Variants in CFAP61 observed in about 807,000 individuals in gnomAD.
CFAP61 encodes cilia and flagella associated protein 61.
CFAP61 carries 107 observed loss-of-function variants against 135.6 expected under a neutral mutation model. That is an observed-to-expected ratio of 0.79 (90% CI 0.67 to 0.93). The LOEUF (loss-of-function observed/expected upper bound fraction) is 0.93. CFAP61 is among the 40% of genes least tolerant of loss of function. The pLI is 0.00. For synonymous variants in CFAP61, 575 were observed against 578.5 expected (o/e 0.99, Z 0.09); for missense variants, 1,507 against 1,556.2 (o/e 0.97, Z 0.53).
chr20:20,088,938 T>C (rs1009288609), intron 6 of CFAP61, among the ~76,000 whole-genome samples: 31 of 152,100 alleles, frequency 2.0e-4, no homozygotes, highest in African/African-American at 7.5e-4. Flanking sequence ...AGGGTGAAGA[T>C]TTTCATCCAG....
At chr20:20,256,957 G>T (rs563946145) in intron 20 of CFAP61, among the ~76,000 whole-genome samples, 13 of 152,152 alleles carry the variant, frequency 8.5e-5, no homozygotes, top group Admixed American at 3.3e-4. Flanking sequence ...TGCTTCAGCT[G>T]CCATTTCAGG....
intron 8 of CFAP61, among the ~76,000 whole-genome samples, chr20:20,118,221 T>TG (rs973486052): frequency 2.6e-5 from 4 of 152,000 alleles, no homozygotes; most frequent in African/African-American, 9.7e-5. Flanking sequence ...GCTGTGAGTT[T>TG]GTCATATATG....
At chr20:20,188,945 A>G (rs1569095289) in intron 14 of CFAP61, among the ~76,000 whole-genome samples, 1 of 152,192 alleles carries the variant, frequency 6.6e-6, no homozygotes, top group East Asian at 1.9e-4. Context: ...TGAACTCTAC[A>G]TAAATGGAAT....
intron 22 of CFAP61, among the ~76,000 whole-genome samples, chr20:20,288,188 C>G (rs76068207): frequency 3.0e-4 from 45 of 152,106 alleles, no homozygotes; most frequent in African/African-American, 9.2e-4. Flanking sequence ...TGGATGAGAT[C>G]AACCCAAGAA....
intron 7 of CFAP61, chr20:20,095,569 A>T (rs1000366656): frequency 6.6e-6 from 1 of 152,294 alleles, no homozygotes; most frequent in Non-Finnish European, 1.5e-5. Context: ...TCCTTGTCAT[A>T]ACTGTACCCT....
At chr20:20,273,769 T>C (rs1258799085) in intron 21 of CFAP61, among the ~76,000 whole-genome samples, 2 of 152,146 alleles carry the variant, frequency 1.3e-5, no homozygotes, top group Non-Finnish European at 1.5e-5. Context: ...CCTGGCTGCG[T>C]AGGCCATGGT....
intron 7 of CFAP61, among the ~76,000 whole-genome samples, chr20:20,095,962 A>G (rs1021169001): frequency 4.6e-5 from 7 of 152,222 alleles, no homozygotes; most frequent in African/African-American, 1.7e-4. Context: ...ATAGTTTTCT[A>G]GCAATCTAAA....
chr20:20,335,647 T>C (rs1255442455), intron 25 of CFAP61, among the ~76,000 whole-genome samples: 1 of 152,232 alleles, frequency 6.6e-6, no homozygotes. Flanking sequence ...GAATGTACTC[T>C]GCTCTGATGT....
At chr20:20,121,175 C>G (rs1161567638) in intron 8 of CFAP61, among the ~76,000 whole-genome samples, 2 of 140,700 alleles carry the variant, frequency 1.4e-5, no homozygotes, top group African/African-American at 5.3e-5. Flanking sequence ...GGCACCATCT[C>G]GGCTCAGTGT....
intron 6 of CFAP61, among the ~76,000 whole-genome samples, chr20:20,078,301 G>A (rs2046200202): frequency 6.6e-6 from 1 of 152,166 alleles, no homozygotes; most frequent in South Asian, 2.1e-4. Flanking sequence ...CATTGGTTTG[G>A]GGGAGCTTAG....
intron 25 of CFAP61, among the ~76,000 whole-genome samples, chr20:20,305,989 A>G (rs750869591): frequency 6.6e-6 from 1 of 152,194 alleles, no homozygotes; most frequent in Non-Finnish European, 1.5e-5. Flanking sequence ...GGAAGTGTAG[A>G]CCAAGGAGGA....
rs546754407 is a variant in CFAP61, at chr20:20,102,583, G to T, written c.859+3769G>T. ...GTTGTACAGATTATGGCATCACCCAGGTATTAAGCCTAGTACCCATTAGTT... is the reference window on the plus strand; with the variant it reads ...GTTGTACAGATTATGGCATCACCCATGTATTAAGCCTAGTACCCATTAGTT... On this transcript the variant is annotated intron_variant, in intron 8 of 26. Coordinates refer to ENST00000245957, the MANE Select transcript of CFAP61 (RefSeq NM_015585.4). Among the ~76,000 whole-genome samples the T allele has an allele frequency of 2.0e-5, 3 of 152,200 alleles. No homozygotes were observed. The South Asian group carries it at 6.2e-4, about 32-fold the overall frequency.
Position 20,134,036 on chromosome 20 carries a change from A to G in CFAP61, c.860-8821A>G, listed in dbSNP as rs1046928061. Among the ~76,000 whole-genome samples the G allele has an allele frequency of 7.2e-5, 11 of 152,350 alleles. No individual in the cohort carries two copies. The South Asian group carries it at 2.3e-3, about 32-fold the overall frequency. On this transcript the variant is annotated intron_variant, in intron 8 of 26. Transcript: ENST00000245957. ...ATACTAGACTTTAGGAACATAGTCT[A>G]GTATGTAGTGAGTCCAGTACCAGCC...
chr20:20,319,737 C>T (rs2057340396), intron 25 of CFAP61, among the ~76,000 whole-genome samples: 1 of 152,180 alleles, frequency 6.6e-6, no homozygotes, highest in Non-Finnish European at 1.5e-5. Flanking sequence ...ATACAATTAC[C>T]ATCCATCAAG....
At chr20:20,086,008 A>G (rs561922848) in intron 6 of CFAP61, among the ~76,000 whole-genome samples, 4 of 152,318 alleles carry the variant, frequency 2.6e-5, no homozygotes, top group African/African-American at 9.6e-5. Context: ...CACGTGGAGA[A>G]CAAACACTTG....
At chr20:20,357,021 G>A (rs1204597019) in intron 26 of CFAP61, among the ~76,000 whole-genome samples, 1 of 134,134 alleles carries the variant, frequency 7.5e-6, no homozygotes, top group African/African-American at 2.9e-5. Context: ...ACACTGTGAG[G>A]GGAGGTGGTC....
chr20:20,221,173 G>A (rs898061316), intron 17 of CFAP61: 25 of 152,152 alleles, frequency 1.6e-4, no homozygotes, highest in Non-Finnish European at 4.4e-5. Flanking sequence ...GAAACCCGGA[G>A]GCCATTTCTG....
At chr20:20,131,646 T>G (rs1458841257) in intron 8 of CFAP61, among the ~76,000 whole-genome samples, 1 of 152,016 alleles carries the variant, frequency 6.6e-6, no homozygotes, top group Non-Finnish European at 1.5e-5. Context: ...CTTTCCTTTA[T>G]TAGTTCCCCT....
intron 2 of CFAP61, among the ~76,000 whole-genome samples, chr20:20,058,040 A>AT (rs1429329441): frequency 6.6e-6 from 1 of 152,136 alleles, no homozygotes; most frequent in African/African-American, 2.4e-5. Context: ...GTTCCGCATT[A>AT]TTTTTATTGA....
Sources: allele counts gnomAD v4.1 joint callset (sites outside exome capture counted in the v4.1 genomes callset), GRCh38; gene constraint gnomAD v4.1.1; transcripts MANE v1.5; gene names NCBI Gene and HGNC (gene_info 2026-07-23, HGNC 2026-07-21).